DNM3: variants seen among roughly 807,000 people sequenced by gnomAD.
DNM3 encodes the protein dynamin 3, also known as dynamin-3.
DNM3 carries 47 observed loss-of-function variants against 101.6 expected under a neutral mutation model. The observed-to-expected ratio is 0.46, with a 90% confidence interval of 0.37 to 0.59. The LOEUF (loss-of-function observed/expected upper bound fraction) is 0.59, where lower values mean the gene tolerates loss of function less well. Ranked by LOEUF, DNM3 falls within the 20% of genes least tolerant of loss-of-function variation. The pLI is 0.00. For synonymous variants in DNM3, 385 were observed against 387.9 expected (o/e 0.99, Z 0.09); for missense variants, 849 against 1,085.7 (o/e 0.78, Z 3.06).
intron 14 of DNM3, among the ~76,000 whole-genome samples, chr1:172,231,705 G>T (rs73046971): frequency 0.044 from 6,670 of 152,156 alleles, 445 homozygotes; most frequent in African/African-American, 0.14. Flanking sequence ...AAAAAGATTA[G>T]GCAAATGGAT....
chr1:172,131,436 A>G, intron 14 of DNM3, 148 bp downstream of exon 14: 2 of 652,160 alleles, frequency 3.1e-6, no homozygotes, highest in South Asian at 5.1e-5. Flanking sequence ...AGGCACTATT[A>G]TTTTCTTATA....
intron 15 of DNM3, among the ~76,000 whole-genome samples, chr1:172,259,097 G>T (rs1034390887): frequency 6.6e-6 from 1 of 151,154 alleles, no homozygotes; most frequent in Non-Finnish European, 1.5e-5. Flanking sequence ...TTATTCTATT[G>T]TTGTCTGAAA....
intron 1 of DNM3, among the ~76,000 whole-genome samples, chr1:171,862,865 C>T (rs1341815399): frequency 6.6e-6 from 1 of 151,892 alleles, no homozygotes; most frequent in African/African-American, 2.4e-5. Flanking sequence ...GGCCAAAGAA[C>T]TAGAAAGAAA....
intron 16 of DNM3, chr1:172,310,830 A>G (rs1557974008): frequency 6.6e-6 from 1 of 152,206 alleles, no homozygotes; most frequent in South Asian, 2.1e-4. Flanking sequence ...GGAAGCCACT[A>G]CTAGGTTTCA....
chr1:172,164,334 C>T (rs886219406), intron 14 of DNM3, among the ~76,000 whole-genome samples: 2 of 147,280 alleles, frequency 1.4e-5, no homozygotes, highest in Admixed American at 6.9e-5. Flanking sequence ...GGTGCTATTA[C>T]TTAGTATTAC....
At chr1:172,271,627 T>C (rs2063090006) in intron 15 of DNM3, among the ~76,000 whole-genome samples, 2 of 152,102 alleles carry the variant, frequency 1.3e-5, no homozygotes, top group African/African-American at 2.4e-5. Context: ...ATCTTCTTCT[T>C]TGATATTCCA....
chr1:172,386,785 T>C (rs897076728), intron 18 of DNM3: 1 of 221,050 alleles, frequency 4.5e-6, no homozygotes, highest in Non-Finnish European at 9.2e-6. Flanking sequence ...TCTTACCTCA[T>C]AGTACCTTCC....
At chr1:171,909,858 C>T (rs190485294) in intron 1 of DNM3, among the ~76,000 whole-genome samples, 40 of 152,282 alleles carry the variant, frequency 2.6e-4, no homozygotes, top group African/African-American at 8.9e-4. Flanking sequence ...CTCATGGGAA[C>T]GGAGATCTTT....
chr1:171,906,555 A>G (rs2038852915), intron 1 of DNM3, among the ~76,000 whole-genome samples: 2 of 152,100 alleles, frequency 1.3e-5, no homozygotes, highest in Admixed American at 1.3e-4. Flanking sequence ...ATGTACTTTA[A>G]CTTGAAGAGT....
chr1:172,070,107 A>G (rs917034747), intron 11 of DNM3, among the ~76,000 whole-genome samples: 4 of 152,150 alleles, frequency 2.6e-5, no homozygotes, highest in African/African-American at 4.8e-5. Flanking sequence ...ACTACTTTTT[A>G]TCATTGTGTT....
At chr1:172,195,665 A>G (rs1024812228) in intron 14 of DNM3, among the ~76,000 whole-genome samples, 19 of 151,866 alleles carry the variant, frequency 1.3e-4, no homozygotes, top group African/African-American at 4.1e-4. Flanking sequence ...TTCTGCATCT[A>G]TCGATATGAT....
At chr1:172,218,467 ACAACTTTTGG>A (rs2060785520) in intron 14 of DNM3, among the ~76,000 whole-genome samples, 1 of 152,130 alleles carries the variant, frequency 6.6e-6, no homozygotes, top group Non-Finnish European at 1.5e-5. Context: ...GGTGAAGAAG[ACAACTTTTGG>A]CAAGTTTTTT....
At chr1:172,403,952 A>G (rs2070698772) in intron 20 of DNM3, among the ~76,000 whole-genome samples, 1 of 152,200 alleles carries the variant, frequency 6.6e-6, no homozygotes, top group African/African-American at 2.4e-5. Flanking sequence ...CTTTAACAGT[A>G]AACTTTAAAT....
intron 13 of DNM3, among the ~76,000 whole-genome samples, chr1:172,128,816 C>A (rs1426954725): frequency 6.6e-6 from 1 of 152,098 alleles, no homozygotes; most frequent in Non-Finnish European, 1.5e-5. Context: ...GATTTTACCT[C>A]CTAGATATTT....
intron 4 of DNM3, among the ~76,000 whole-genome samples, chr1:171,991,898 G>C (rs2045656698): frequency 6.6e-6 from 1 of 152,182 alleles, no homozygotes; most frequent in Admixed American, 6.5e-5. Context: ...AAGCTTCATG[G>C]AGGACTGCAA....
intron 10 of DNM3, among the ~76,000 whole-genome samples, chr1:172,054,857 G>A (rs1219152689): frequency 2.0e-5 from 3 of 152,130 alleles, no homozygotes; most frequent in African/African-American, 7.2e-5. Flanking sequence ...TACTCAGGAG[G>A]CTGAGGCAGG....
chr1:172,416,843 C>G (rs2071445004), downstream of DNM3, among the ~76,000 whole-genome samples: 1 of 152,106 alleles, frequency 6.6e-6, no homozygotes, highest in African/African-American at 2.4e-5. Flanking sequence ...CCTTGCAGAC[C>G]CCCTAGCCCC....
intron 17 of DNM3, 54 bp from the exon 18 acceptor site, chr1:172,378,964 A>G: frequency 2.6e-6 from 4 of 1,554,860 alleles, no homozygotes; most frequent in Non-Finnish European, 3.5e-6. Flanking sequence ...CTGACATTTT[A>G]TTTTCTTCTG....
intron 1 of DNM3, among the ~76,000 whole-genome samples, chr1:171,874,802 T>G (rs1300731656): frequency 6.6e-6 from 1 of 151,332 alleles, no homozygotes; most frequent in Non-Finnish European, 1.5e-5. Context: ...AGTAGGTAGT[T>G]TTTCAGCCCT....
Sources: gnomAD v4.1 joint callset for allele counts (sites outside exome capture counted in the v4.1 genomes callset) on GRCh38, gnomAD v4.1.1 for gene constraint, MANE v1.5 for transcripts, NCBI Gene and HGNC (gene_info 2026-07-23, HGNC 2026-07-21) for gene names.